The following TOP3B variants were observed in gnomAD, a reference collection of about 807,000 sequenced individuals.
TOP3B encodes the protein DNA topoisomerase 3-beta-1.
In TOP3B, 45 loss-of-function variants were observed where a neutral mutation model predicts 93.9. The observed-to-expected ratio is 0.48, with a 90% CI of 0.38 to 0.61. TOP3B has a LOEUF of 0.61. Ranked by LOEUF, TOP3B falls within the 20% of genes least tolerant of loss-of-function variation. The probability of loss-of-function intolerance (pLI) is 0.00; values close to 1 mark genes in which losing one functional copy is unlikely to be tolerated. For missense variants in TOP3B, 750 were observed against 1,156.1 expected (o/e 0.65, Z 5.09); for synonymous variants, 357 against 472.6 (o/e 0.76, Z 3.17).
At chr22:21,961,491 A>G (rs1345743850) in intron 13 of TOP3B, 1 of 152,322 alleles carries the variant, frequency 6.6e-6, no homozygotes, top group African/African-American at 2.4e-5. Flanking sequence ...TGTCCCATCA[A>G]TGCGAGAGGG....
In TOP3B at chr22:21,959,219, C is replaced by T. The variant is rs114332012; in HGVS notation, c.1818G>A (p.Leu606=). 1.9e-4 allele frequency: 302 copies of T among 1,613,014 alleles called. No individual in the cohort carries two copies. In the African/African-American group the frequency reaches 3.6e-3, roughly 19 times the overall value. ...FVDSIAGMDE[L]MEVSFSPLAA... ...CCAGGGGCGAGAAAGACACCTCCAT[C>T]AACTCATCCATGCCTGCGGGCAAGC... Residue 606 remains leucine, a synonymous_variant, in exon 16 of 18, where the codon TTG becomes TTA. Coordinates refer to ENST00000357179, the MANE Select transcript of TOP3B (RefSeq NM_001282112.2).
At position 21,959,761 on chromosome 22, in the gene TOP3B, T is replaced by C. The variant is rs762728187; in HGVS notation, c.1655-25A>G. ...TCTGCAAGTGGGCAGGGGGCAGATA[T>C]TGCCCTGAGCACTCGCACCCAGGGC... On this transcript the variant is annotated intron_variant, in intron 14 of 17. Transcript: ENST00000357179. 4.0e-5 allele frequency: 64 copies of C among 1,608,224 alleles called. No homozygotes were observed. In the South Asian group the frequency reaches 4.3e-4, roughly 11 times the overall value.
chr22:21,959,230 T>C lies in TOP3B; in HGVS notation c.1807A>G (p.Met603Val). ...FHYFVDSIAG[M>V]DELMEVSFSP... ...AAAGACACCTCCATCAACTCATCCA[T>C]GCCTGCGGGCAAGCAGAGTGCAGGA... Residue 603 changes from methionine to valine, a missense_variant and splice_region_variant, in exon 16 of 18, where the codon ATG (methionine) becomes GTG (valine). Around this residue, in one of 4 missense-constraint regions of TOP3B, gnomAD observed 737 missense variants for 933.7 expected, o/e 0.79. Coordinates refer to ENST00000357179, the MANE Select transcript of TOP3B (RefSeq NM_001282112.2). The C allele has an allele frequency of 6.2e-7, 1 of 1,612,502 alleles. No homozygotes were observed. The highest frequency in any genetic ancestry group is 8.5e-7 in the Non-Finnish European group (1 of 1,179,958).
At chr22:21,960,209 G>A in intron 14 of TOP3B, 112 bp downstream of exon 14, 1 of 1,500,128 alleles carries the variant, frequency 6.7e-7, no homozygotes, top group Non-Finnish European at 9.1e-7. Context: ...TGTGTGTGGG[G>A]CTGGGGGATC....
At chr22:21,968,800 G>C in intron 6 of TOP3B, 25 bp from the exon 7 acceptor site, 1 of 1,613,596 alleles carries the variant, frequency 6.2e-7, no homozygotes, top group Non-Finnish European at 8.5e-7. Flanking sequence ...AAGATATTTT[G>C]GTCACTGATT....
At chr22:21,967,998 A>C (rs1601838009) in intron 7 of TOP3B, 4 of 396,882 alleles carry the variant, frequency 1.0e-5, no homozygotes, top group Non-Finnish European at 1.9e-5. Flanking sequence ...TTCTCACACC[A>C]CCCCTGCCTA....
At chr22:21,972,764 C>T (rs370506169) in intron 3 of TOP3B, 46 bp from the exon 4 acceptor site, 40 of 1,499,644 alleles carry the variant, frequency 2.7e-5, no homozygotes, top group African/African-American at 1.7e-4. Context: ...GCTCAGCCTC[C>T]GAGACCATCA....
intron 2 of TOP3B, chr22:21,974,724 G>A (rs1162494757): frequency 5.4e-6 from 2 of 372,526 alleles, no homozygotes; most frequent in South Asian, 5.5e-5. Flanking sequence ...AGAGCCCCAG[G>A]CTGCCGGGAG....
chr22:21,960,616 C>A, intron 13 of TOP3B, 167 bp from the exon 14 acceptor site: 3 of 841,692 alleles, frequency 3.6e-6, no homozygotes, highest in Non-Finnish European at 5.5e-6. Context: ...TGCTGGGCAC[C>A]AACTGCATGC....
Position 21,967,564 on chromosome 22 carries a change from C to G in TOP3B, c.852+39G>C, listed in dbSNP as rs1329340921. ...GGAGGCATCCAAGGGCCACCCTCAC[C>G]CAAGGCAACTGTGATAGATGTGGGT... On this transcript the variant is annotated intron_variant, in intron 8 of 17. Transcript: ENST00000357179. The G allele has an allele frequency of 3.2e-6, 5 of 1,576,350 alleles. No individual in the cohort carries two copies. The African/African-American group carries it at 5.4e-5, about 17-fold the overall frequency.
Position 21,972,686 on chromosome 22 carries a change from C to T in TOP3B, c.235G>A (p.Ala79Thr), listed in dbSNP as rs372561208. 43 of 1,613,808 alleles carry T rather than the reference C, an allele frequency of 2.7e-5. No homozygotes were observed. Among genetic ancestry groups the T allele is most frequent in the East Asian group, 8.9e-5 (4 of 44,888 alleles). Residue 79 changes from alanine (A) to threonine (T), a missense_variant, in exon 4 of 18, where the codon GCA (alanine) becomes ACA (threonine). Ala to Thr is a moderately conservative substitution (Grantham distance 58). Transcript: ENST00000357179. ...KYNKWDKVDP[A>T]ELFSQAPTEK... ...GTGGGAGCTTGGCTGAACAGTTCTGCGGGGTCCACTTTGTCCCATTTGTTG... is the reference window on the plus strand; with the variant it reads ...GTGGGAGCTTGGCTGAACAGTTCTGTGGGGTCCACTTTGTCCCATTTGTTG...
In TOP3B at chr22:21,971,009, G is replaced by A. The variant is rs1182038060; in HGVS notation, c.385-603C>T. ...AAGGCCGTGCAGTGGGACTAGGGTC[G>A]CCGCCGGAGCCTGGCCACGCAGCTT... is the stretch of plus-strand genomic sequence containing the variant. On this transcript the variant is annotated intron_variant, in intron 5 of 17. Coordinates refer to ENST00000357179, the MANE Select transcript of TOP3B (RefSeq NM_001282112.2). The surrounding 1 kb of genome is among the most constrained non-coding windows in gnomAD (Gnocchi z 4.6). 4.6e-6 allele frequency: 6 copies of A among 1,296,888 alleles called. No homozygotes were observed. Among genetic ancestry groups the A allele is most frequent in the East Asian group, 1.1e-4 (2 of 17,788 alleles). 80.3% of individuals were successfully genotyped at this position (1,296,888 alleles called of 1,614,324 possible). A position where few individuals can be genotyped will look rare whatever the true frequency, so the allele number is the denominator to read the frequency against.
Position 21,981,423 on chromosome 22 carries a change from C to T in TOP3B, c.-99+1307G>A, listed in dbSNP as rs998520755. ...CTTTGCTTCCTTGTAGCACTCATCA[C>T]TACACTTGGTACAGCTTCCATCTAC... On this transcript the variant is annotated intron_variant, in intron 1 of 17. Coordinates refer to ENST00000357179, the MANE Select transcript of TOP3B (RefSeq NM_001282112.2). 3.9e-4 allele frequency among the ~76,000 whole-genome samples: 59 copies of T among 152,208 alleles called. 1 individual carries two copies. Among genetic ancestry groups the T allele is most frequent in the Non-Finnish European group, 8.8e-5 (6 of 68,048 alleles).
At chr22:21,979,941 CAAAAAAAAAAAAA>C (rs57880095) in intron 1 of TOP3B, among the ~76,000 whole-genome samples, 4 of 53,442 alleles carry the variant, frequency 7.5e-5, no homozygotes, top group Non-Finnish European at 1.1e-4. Flanking sequence ...ACTCCATCTC[CAAAAAAAAAAAAA>C]AAAAAAAAAA....
chr22:21,961,592 C>G (rs954876932), intron 13 of TOP3B: 8 of 152,694 alleles, frequency 5.2e-5, no homozygotes, highest in African/African-American at 1.4e-4. Flanking sequence ...CTGAGAGGAG[C>G]AAGCCCAGAG....
At position 21,958,586 on chromosome 22, in the gene TOP3B, G is replaced by A. The variant is rs766461814; in HGVS notation, c.2013C>T (p.Phe671=). Residue 671 remains phenylalanine (F), a synonymous_variant, in exon 17 of 18, where the codon TTC becomes TTT. Coordinates refer to ENST00000357179, the MANE Select transcript of TOP3B (RefSeq NM_001282112.2). ...AGCCTGATGACCACAGGACCAGCTC[G>A]AAGTCATCCAGAGGGCAGCGGAGCT... The part of the protein sequence containing the change: ...YKELRCPLDD[F]ELVLWSSGSR... The A allele has an allele frequency of 1.1e-5, 17 of 1,614,026 alleles. No homozygotes were observed. In the African/African-American group the frequency reaches 1.6e-4, roughly 15 times the overall value.
At position 21,965,323 on chromosome 22, in the gene TOP3B, T is replaced by A. The variant is rs1236067002; in HGVS notation, c.905A>T (p.Asn302Ile). Residue 302 changes from asparagine to isoleucine, a missense_variant, in exon 9 of 18, where the codon AAC becomes ATC. Coordinates refer to ENST00000357179, the MANE Select transcript of TOP3B (RefSeq NM_001282112.2). ...GGCCACACGCAGCATCTCCACAGTG[T>A]TCAGGGCCAGGGGCCTCTGCTTGGC... is the stretch of plus-strand genomic sequence containing the variant. ...EKAKQRPLAL[N>I]TVEMLRVASS... 7.5e-6 allele frequency: 12 copies of A among 1,609,610 alleles called. No homozygotes were observed. The highest frequency in any genetic ancestry group is 1.0e-5 in the Non-Finnish European group (12 of 1,178,044).
chr22:21,976,027 T>C (rs965492119), intron 1 of TOP3B: 35 of 202,674 alleles, frequency 1.7e-4, no homozygotes, highest in Admixed American at 1.3e-3. Flanking sequence ...GTGGCTCCAT[T>C]TGGGGGAAGG....
chr22:21,974,343 G>C lies in TOP3B; in HGVS notation c.202+14C>G. ...AGAACTCCCTTCAGTAGGATGGAGG[G>C]TAGAGGGGCTTACCCAGGAAATCCA... On this transcript the variant is annotated intron_variant, in intron 3 of 17. Coordinates refer to ENST00000357179, the MANE Select transcript of TOP3B (RefSeq NM_001282112.2). 6.2e-7 allele frequency: 1 copy of C among 1,612,202 alleles called. No individual in the cohort carries two copies.
Sources: gnomAD v4.1 joint callset for allele counts (sites outside exome capture counted in the v4.1 genomes callset) on GRCh38, gnomAD v4.1.1 for gene constraint, gnomAD v4.1.1 regional missense constraint, Gnocchi (gnomAD v3.1) non-coding constraint, MANE v1.5 for transcripts, NCBI Gene and HGNC (gene_info 2026-07-23, HGNC 2026-07-21) for gene names.